Variants in VPS8 observed in about 807,000 individuals in gnomAD.
The protein encoded by VPS8 is VPS8 subunit of CORVET complex.
Under a neutral mutation model 216.4 loss-of-function variants are expected in VPS8, and 129 were observed. The ratio of observed to expected loss-of-function variants is 0.60; its 90% CI spans 0.52 to 0.69. The LOEUF is 0.69. VPS8 is among the 30% of genes least tolerant of loss of function. VPS8 has a pLI of 0.00. For missense variants in VPS8, 1,531 were observed against 1,683.5 expected, an observed-to-expected ratio of 0.91 and a Z score of 1.59; for synonymous variants, 571 against 565.4, an observed-to-expected ratio of 1.01 and a Z score of -0.14.
At chr3:185,032,325 G>C (rs1252220414) in intron 46 of VPS8, among the ~76,000 whole-genome samples, 1 of 152,192 alleles carries the variant, frequency 6.6e-6, no homozygotes, top group African/African-American at 2.4e-5. Context: ...ATAGAGGTGA[G>C]AGGGCTATTG....
At chr3:185,051,782 C>G (rs1406645258) in intron 47 of VPS8, 94 bp from the exon 48 acceptor site, 1 of 1,390,654 alleles carries the variant, frequency 7.2e-7, no homozygotes, top group Non-Finnish European at 9.6e-7. Flanking sequence ...TGCAACACAG[C>G]ACTGTCTCTC....
intron 36 of VPS8, among the ~76,000 whole-genome samples, chr3:184,943,284 GA>G: frequency 6.6e-6 from 1 of 152,292 alleles, no homozygotes; most frequent in South Asian, 2.1e-4. Context: ...AAAAGATGGG[GA>G]AAAAACTCAA....
chr3:184,835,950 C>G (rs1179552954), intron 5 of VPS8, among the ~76,000 whole-genome samples: 2 of 152,038 alleles, frequency 1.3e-5, no homozygotes, highest in Non-Finnish European at 2.9e-5. Context: ...ACCTTGTGAT[C>G]CGCCCGCCTC....
At chr3:184,964,079 T>G (rs1338725097) in intron 37 of VPS8, among the ~76,000 whole-genome samples, 1 of 152,108 alleles carries the variant, frequency 6.6e-6, no homozygotes, top group Non-Finnish European at 1.5e-5. Flanking sequence ...TGTTTATTAA[T>G]TTTTATTAAT....
intron 21 of VPS8, among the ~76,000 whole-genome samples, chr3:184,876,727 C>T (rs1331757582): frequency 6.6e-6 from 1 of 152,184 alleles, no homozygotes; most frequent in Non-Finnish European, 1.5e-5. Flanking sequence ...ATTCTGCCTC[C>T]TGACAGTTTC....
At position 185,009,339 on chromosome 3, in the gene VPS8, TACCA is replaced by T. The variant is rs1231599224; in HGVS notation, c.4002+9479_4002+9482del. Among the ~76,000 whole-genome samples, 18 of 151,682 alleles carry T rather than the reference TACCA, an allele frequency of 1.2e-4. No individual in the cohort carries two copies. The South Asian group carries it at 2.1e-3, about 18-fold the overall frequency. On this transcript the variant is annotated intron_variant, in intron 45 of 47. Coordinates refer to ENST00000625842, the MANE Select transcript of VPS8 (RefSeq NM_001009921.3). ...AATGCAAGCTAAATCAACTATACAA[TACCA>T]TTTTTTTTACTTATTAAGCTGGCAA... is the stretch of plus-strand genomic sequence containing the variant.
At chr3:184,988,370 T>G (rs1460229424) in intron 42 of VPS8, among the ~76,000 whole-genome samples, 1 of 152,248 alleles carries the variant, frequency 6.6e-6, no homozygotes, top group African/African-American at 2.4e-5. Flanking sequence ...GTTGATTCAT[T>G]TTTCTGCATG....
At chr3:184,832,664 A>G in intron 3 of VPS8, 25 bp from the exon 4 acceptor site, 1 of 1,578,218 alleles carries the variant, frequency 6.3e-7, no homozygotes, top group Non-Finnish European at 8.6e-7. Flanking sequence ...TTTTGAATGT[A>G]TTGATTTATC....
At chr3:184,947,418 T>C (rs952110028) in intron 36 of VPS8, among the ~76,000 whole-genome samples, 2 of 152,122 alleles carry the variant, frequency 1.3e-5, no homozygotes, top group African/African-American at 2.4e-5. Flanking sequence ...AAATCATAGA[T>C]TAAAACAAGT....
At chr3:184,851,550 A>C (rs1311775681) in intron 10 of VPS8, among the ~76,000 whole-genome samples, 2 of 152,214 alleles carry the variant, frequency 1.3e-5, no homozygotes, top group African/African-American at 4.8e-5. Flanking sequence ...AAAGAAATAG[A>C]AAATTAAACA....
At chr3:184,826,496 C>T (rs547501440) in intron 3 of VPS8, among the ~76,000 whole-genome samples, 2 of 152,276 alleles carry the variant, frequency 1.3e-5, no homozygotes, top group African/African-American at 4.8e-5. Flanking sequence ...AGAGTATTTC[C>T]GTCATCACAG....
chr3:184,829,492 A>T (rs939631648), intron 3 of VPS8, among the ~76,000 whole-genome samples: 1 of 152,222 alleles, frequency 6.6e-6, no homozygotes, highest in Non-Finnish European at 1.5e-5. Context: ...CTGGTATTAC[A>T]GGCATGAGCC....
intron 1 of VPS8, among the ~76,000 whole-genome samples, chr3:184,817,709 T>C (rs1716639520): frequency 6.6e-6 from 1 of 152,240 alleles, no homozygotes; most frequent in African/African-American, 2.4e-5. Flanking sequence ...CACTGATAGA[T>C]TTAATTTGCA....
At chr3:184,977,967 C>G (rs1226299494) in intron 40 of VPS8, among the ~76,000 whole-genome samples, 2 of 148,874 alleles carry the variant, frequency 1.3e-5, no homozygotes, top group African/African-American at 2.5e-5. Context: ...AGGGAGGAGT[C>G]TCTCCTCCGT....
At chr3:184,876,142 A>G (rs771463751) in intron 21 of VPS8, among the ~76,000 whole-genome samples, 6 of 152,032 alleles carry the variant, frequency 3.9e-5, no homozygotes, top group Non-Finnish European at 8.8e-5. Context: ...TAGTCTGTCC[A>G]TTTTTGGCTT....
intron 24 of VPS8, among the ~76,000 whole-genome samples, chr3:184,900,320 C>A (rs1054953542): frequency 6.6e-6 from 1 of 152,102 alleles, no homozygotes; most frequent in African/African-American, 2.4e-5. Context: ...CAGAGGTAGA[C>A]GTTTATATAC....
At chr3:184,970,213 C>T (rs1485445487) in intron 39 of VPS8, among the ~76,000 whole-genome samples, 3 of 152,028 alleles carry the variant, frequency 2.0e-5, no homozygotes, top group East Asian at 1.9e-4. Context: ...CGACCGGCCC[C>T]ATCTACTTTC....
chr3:184,917,401 T>C lies in VPS8; in HGVS notation c.2382+1927T>C, dbSNP rs1242753258. On this transcript the variant is annotated intron_variant, in intron 28 of 47. Coordinates refer to ENST00000625842, the MANE Select transcript of VPS8 (RefSeq NM_001009921.3). ...GCAATAAAAAATTTGGACTTCCTTCTTTTCTTCCTTCCTTCCTTCCCTCCT... is the reference window on the plus strand; with the variant it reads ...GCAATAAAAAATTTGGACTTCCTTCCTTTCTTCCTTCCTTCCTTCCCTCCT... Among the ~76,000 whole-genome samples the C allele has an allele frequency of 2.0e-5, 3 of 152,152 alleles. No homozygotes were observed. In the South Asian group the frequency reaches 6.2e-4, roughly 32 times the overall value.
intron 8 of VPS8, among the ~76,000 whole-genome samples, chr3:184,847,465 T>A (rs75758012): frequency 6.6e-6 from 1 of 152,194 alleles, no homozygotes; most frequent in African/African-American, 2.4e-5. Context: ...AGCAAGGTGC[T>A]TTGGGAGTGT....
Sources: gnomAD v4.1 joint callset for allele counts (sites outside exome capture counted in the v4.1 genomes callset) on GRCh38, gnomAD v4.1.1 for gene constraint, MANE v1.5 for transcripts, NCBI Gene and HGNC (gene_info 2026-07-23, HGNC 2026-07-21) for gene names.